Variants in ST8SIA4 observed in about 807,000 individuals in gnomAD.
ST8SIA4 encodes the protein CMP-N-acetylneuraminate-poly-alpha-2,8-sialyltransferase.
A neutral mutation model predicts 33.9 loss-of-function variants in ST8SIA4; 15 were observed. That is an observed-to-expected ratio of 0.44 (90% CI 0.30 to 0.68). The LOEUF (loss-of-function observed/expected upper bound fraction) is 0.68. ST8SIA4 is among the 30% of genes least tolerant of loss of function. The probability of loss-of-function intolerance (pLI) is 0.10; values close to 1 mark genes in which losing one functional copy is unlikely to be tolerated. For missense variants in ST8SIA4, 321 were observed against 428.0 expected, an observed-to-expected ratio of 0.75 and a Z score of 2.21; for synonymous variants, 171 against 151.2, an observed-to-expected ratio of 1.13 and a Z score of -0.96.
At chr5:100,893,236 T>C (rs553172226) in intron 2 of ST8SIA4, among the ~76,000 whole-genome samples, 128 of 152,252 alleles carry the variant, frequency 8.4e-4, no homozygotes, top group Non-Finnish European at 1.2e-3. Context: ...ATTTTCATAT[T>C]CTAAATTTTT....
In ST8SIA4 at chr5:100,895,765, C is replaced by T. The variant is rs368733661; in HGVS notation, c.134G>A (p.Ser45Asn). The T allele has an allele frequency of 8.1e-6, 13 of 1,612,300 alleles. No homozygotes were observed. The highest frequency in any genetic ancestry group is 9.3e-6 in the Non-Finnish European group (11 of 1,178,964). Residue 45 changes from serine (S) to asparagine (N), a missense_variant, in exon 2 of 5, where the codon AGT becomes AAT. Transcript: ENST00000231461. ...QLIGDGELSLSRSLVNSSDKI... is the reference protein window; with the variant it reads ...QLIGDGELSLNRSLVNSSDKI... ...ATCAGAGCTATTGACAAGTGACCGA[C>T]TCAAAGACAATTCACCATCTCTGAA...
chr5:100,902,324 T>C (rs1180660952), intron 1 of ST8SIA4, among the ~76,000 whole-genome samples: 1 of 151,870 alleles, frequency 6.6e-6, no homozygotes, highest in Non-Finnish European at 1.5e-5. Flanking sequence ...GGTACTGGAG[T>C]TTCTAATTCA....
At chr5:100,896,370 C>A (rs1351662810) in intron 1 of ST8SIA4, among the ~76,000 whole-genome samples, 2 of 151,872 alleles carry the variant, frequency 1.3e-5, no homozygotes, top group African/African-American at 4.8e-5. Flanking sequence ...ACCTTATAAT[C>A]GCACTTATAT....
intron 1 of ST8SIA4, among the ~76,000 whole-genome samples, chr5:100,898,708 A>G (rs1260309654): frequency 6.6e-6 from 1 of 152,206 alleles, no homozygotes; most frequent in African/African-American, 2.4e-5. Context: ...ATTCTGTCTC[A>G]GAAAAGGCTC....
At chr5:100,826,248 T>G (rs1361238017) in intron 4 of ST8SIA4, among the ~76,000 whole-genome samples, 1 of 152,190 alleles carries the variant, frequency 6.6e-6, no homozygotes, top group African/African-American at 2.4e-5. Flanking sequence ...CTATTCGTTG[T>G]TTCTTCTCTA....
At chr5:100,850,831 CAAAA>C (rs1286340256) in intron 4 of ST8SIA4, among the ~76,000 whole-genome samples, 3 of 148,192 alleles carry the variant, frequency 2.0e-5, no homozygotes, top group Non-Finnish European at 1.5e-5. Flanking sequence ...TATAAACAGA[CAAAA>C]AGGATAGATG....
At chr5:100,849,824 CA>C (rs1561393770) in intron 4 of ST8SIA4, among the ~76,000 whole-genome samples, 1 of 151,820 alleles carries the variant, frequency 6.6e-6, no homozygotes, top group African/African-American at 2.4e-5. Context: ...CAAAAATAAA[CA>C]AAAAACAAAC....
chr5:100,862,515 C>T (rs1474847411), intron 3 of ST8SIA4, among the ~76,000 whole-genome samples: 2 of 152,090 alleles, frequency 1.3e-5, no homozygotes, highest in Non-Finnish European at 2.9e-5. Flanking sequence ...TCTCCTGCCT[C>T]AGCCTCCTAA....
chr5:100,903,252 G>A lies in ST8SIA4; in HGVS notation c.-297C>T, dbSNP rs769584443. 4 of 374,338 alleles carry A rather than the reference G, an allele frequency of 1.1e-5. No individual in the cohort carries two copies. Among genetic ancestry groups the A allele is most frequent in the South Asian group, 3.0e-5 (1 of 33,432 alleles). The allele number at this position is 374,338 out of a possible 1,614,324, so 23.2% of individuals were successfully genotyped here. On this transcript the variant is annotated 5_prime_UTR_variant, in exon 1 of 5. Transcript: ENST00000231461. ...AGACACCTTGTGCATTGGAGGTGGC[G>A]GCAGCTTCTGCAGCTGGGTTCGGGG...
chr5:100,881,556 T>A (rs1752422512), intron 3 of ST8SIA4, among the ~76,000 whole-genome samples: 1 of 152,168 alleles, frequency 6.6e-6, no homozygotes, highest in Non-Finnish European at 1.5e-5. Context: ...TATAGAATAC[T>A]CATGAAATCT....
At chr5:100,817,671 T>C (rs1448233314) in intron 4 of ST8SIA4, among the ~76,000 whole-genome samples, 1 of 152,218 alleles carries the variant, frequency 6.6e-6, no homozygotes, top group African/African-American at 2.4e-5. Flanking sequence ...CCTTTTAAGA[T>C]TATGAGATGG....
intron 2 of ST8SIA4, among the ~76,000 whole-genome samples, chr5:100,887,780 T>C (rs2112474497): frequency 6.6e-6 from 1 of 152,088 alleles, no homozygotes; most frequent in Admixed American, 6.6e-5. Context: ...TGTTCGTTTA[T>C]GTTAGTTTCT....
chr5:100,815,821 A>G (rs188996325), intron 4 of ST8SIA4, among the ~76,000 whole-genome samples: 93 of 152,278 alleles, frequency 6.1e-4, no homozygotes, highest in African/African-American at 2.2e-3. Flanking sequence ...ACTTCTTTGG[A>G]GCCCAGTTAA....
At chr5:100,847,849 T>C (rs192495527) in intron 4 of ST8SIA4, among the ~76,000 whole-genome samples, 1 of 152,172 alleles carries the variant, frequency 6.6e-6, no homozygotes, top group Non-Finnish European at 1.5e-5. Context: ...ACAGGTAGTT[T>C]AGAAAGGTAT....
intron 4 of ST8SIA4, among the ~76,000 whole-genome samples, chr5:100,832,869 T>C (rs184954368): frequency 6.6e-6 from 1 of 152,232 alleles, no homozygotes; most frequent in African/African-American, 2.4e-5. Context: ...ACCTTACTAC[T>C]CTACCACCTT....
At chr5:100,817,614 A>C (rs960853048) in intron 4 of ST8SIA4, among the ~76,000 whole-genome samples, 3 of 152,232 alleles carry the variant, frequency 2.0e-5, no homozygotes, top group African/African-American at 7.2e-5. Context: ...CATAAAGCAC[A>C]AACAAGTTAA....
chr5:100,820,886 G>A (rs772677875), intron 4 of ST8SIA4, among the ~76,000 whole-genome samples: 1 of 152,092 alleles, frequency 6.6e-6, no homozygotes, highest in South Asian at 2.1e-4. Flanking sequence ...TGGCAAATTG[G>A]AGGTAGAGTA....
intron 4 of ST8SIA4, among the ~76,000 whole-genome samples, chr5:100,844,708 T>A (rs1183258886): frequency 6.6e-6 from 1 of 152,032 alleles, no homozygotes; most frequent in Non-Finnish European, 1.5e-5. Context: ...CCAGCTTGCC[T>A]CTGGTGAATG....
At chr5:100,894,828 G>C (rs1477042110) in intron 2 of ST8SIA4, among the ~76,000 whole-genome samples, 2 of 152,014 alleles carry the variant, frequency 1.3e-5, no homozygotes, top group Non-Finnish European at 2.9e-5. Context: ...TATAAAATCT[G>C]TGTGTTAATG....
Sources: gnomAD v4.1 joint callset for allele counts (sites outside exome capture counted in the v4.1 genomes callset) on GRCh38, gnomAD v4.1.1 for gene constraint, MANE v1.5 for transcripts, NCBI Gene and HGNC (gene_info 2026-07-23, HGNC 2026-07-21) for gene names.